Variants in LCN9 observed in about 807,000 individuals in gnomAD.
LCN9 encodes the protein epididymal-specific lipocalin-9.
In LCN9, 22 loss-of-function variants were observed where a neutral mutation model predicts 18.5. The ratio of observed to expected loss-of-function variants is 1.19; its 90% confidence interval spans 0.85 to 1.70. The LOEUF (loss-of-function observed/expected upper bound fraction) is 1.70. Among genes scored for constraint, LCN9 ranks in the 40% most tolerant of loss-of-function variants. The pLI is 0.00. For synonymous variants in LCN9, 89 were observed against 83.0 expected (o/e 1.07, Z -0.39); for missense variants, 202 against 201.3 (o/e 1.00, Z -0.02).
chr9:135,665,692 G>A lies in LCN9; in HGVS notation c.423G>A (p.Leu141=). 2.5e-6 allele frequency: 4 copies of A among 1,612,818 alleles called. No individual in the cohort carries two copies. The highest frequency in any genetic ancestry group is 2.2e-5 in the South Asian group (2 of 90,768). Residue 141 remains leucine, a synonymous_variant, in exon 5 of 6, where the codon TTG becomes TTA. Coordinates refer to ENST00000619315, the Ensembl canonical transcript of LCN9. The surrounding 1 kb of genome is among the most constrained non-coding windows in gnomAD (Gnocchi z 5.9). ...GGAACCCTCCTTCCTGAGCAGATTTGAAGAAACCTGCGAAAAGTACGGACT... is the reference window on the plus strand; with the variant it reads ...GGAACCCTCCTTCCTGAGCAGATTTAAAGAAACCTGCGAAAAGTACGGACT...
chr9:135,666,170 TGACTAG>T, exon 6 of LCN9: 1 of 1,558,900 alleles, frequency 6.4e-7, no homozygotes, highest in East Asian at 2.3e-5. Flanking sequence ...CATATGCGGG[TGACTAG>T]GACAACCAGG....
chr9:135,664,430 G>A lies in LCN9; in HGVS notation c.233+132G>A, dbSNP rs1007929446. 2.5e-5 allele frequency: 31 copies of A among 1,226,892 alleles called. No homozygotes were observed. The highest frequency in any genetic ancestry group is 2.3e-4 in the Middle Eastern group (1 of 4,406). 76.0% of individuals were successfully genotyped at this position (1,226,892 alleles called of 1,614,324 possible). A position where few individuals can be genotyped will look rare whatever the true frequency, so the allele number is the denominator to read the frequency against. On this transcript the variant is annotated intron_variant, in intron 2 of 5. Coordinates refer to ENST00000619315, the Ensembl canonical transcript of LCN9. The surrounding 1 kb of genome is among the most constrained non-coding windows in gnomAD (Gnocchi z 4.5). ...CTCTGGTGAGAGCCTGAGCCTGTGC[G>A]TGTGACCCTTGGGGGCAGGGTGAGG...
rs749777406 is a variant in LCN9, at chr9:135,664,171, G to A, written c.106G>A (p.Val36Ile). ...AGCTCTTTGTCTTCAGGTTTCAGGG[G>A]TCTGGTATTCTATTTTCATGGCCTC... Residue 36 changes from valine to isoleucine, a missense_variant, in exon 2 of 6, where the codon GTC becomes ATC. Physicochemically the swap from Val to Ile is conservative, Grantham distance 29. Coordinates refer to ENST00000619315, the Ensembl canonical transcript of LCN9. This position sits in a 1 kb window ranked among gnomAD's most constrained non-coding sequence, Gnocchi z 4.5. 1.1e-5 allele frequency: 17 copies of A among 1,613,676 alleles called. No homozygotes were observed. Among genetic ancestry groups the A allele is most frequent in the East Asian group, 4.5e-5 (2 of 44,862 alleles).
In LCN9 at chr9:135,665,845, C is replaced by T; in HGVS notation, c.*10-16C>T. The T allele has an allele frequency of 6.2e-7, 1 of 1,612,610 alleles. No individual in the cohort carries two copies. Among genetic ancestry groups the T allele is most frequent in the Non-Finnish European group, 8.5e-7 (1 of 1,179,334 alleles). On this transcript the variant is annotated splice_polypyrimidine_tract_variant and intron_variant, in intron 5 of 5. Coordinates refer to ENST00000619315, the Ensembl canonical transcript of LCN9. This position sits in a 1 kb window ranked among gnomAD's most constrained non-coding sequence, Gnocchi z 5.9. ...GGTCCCTGTCCCTGCGCTGAGAGCC[C>T]CCTCTGTCCTTCCAGATCCCTGCTA... is the stretch of plus-strand genomic sequence containing the variant.
rs1453707713 is a variant in LCN9 at position 135,664,718 on chromosome 9, C to T, written c.234-4C>T. On this transcript the variant is annotated splice_region_variant and splice_polypyrimidine_tract_variant and intron_variant, in intron 2 of 5. Coordinates refer to ENST00000619315, the Ensembl canonical transcript of LCN9. The surrounding 1 kb of genome is among the most constrained non-coding windows in gnomAD (Gnocchi z 4.5). ...CTCCCGGCATCTTCCTGGCTGGCTT[C>T]CAGGGTGCAGGGGGAGTGTGTGGCT... The T allele has an allele frequency of 6.3e-6, 10 of 1,581,592 alleles. No individual in the cohort carries two copies. The highest frequency in any genetic ancestry group is 8.6e-6 in the Non-Finnish European group (10 of 1,166,878).
intron 1 of LCN9, 53 bp downstream of exon 1, chr9:135,663,470 C>G (rs1834153797): frequency 6.5e-7 from 1 of 1,528,364 alleles, no homozygotes; most frequent in Non-Finnish European, 9.1e-7. Context: ...AGGCACCTGT[C>G]TTCCCCCAGC....
rs1259545102 is a variant in LCN9 at position 135,665,385 on chromosome 9, C to T, written c.418+30C>T. ...CTCCGCTGTCCCCCTCTGACCCCCT[C>T]GGGGACCCCACCTCCTCTGAAGTCC... On this transcript the variant is annotated intron_variant, in intron 4 of 5. Coordinates refer to ENST00000619315, the Ensembl canonical transcript of LCN9. This position sits in a 1 kb window ranked among gnomAD's most constrained non-coding sequence, Gnocchi z 5.9. 4.6e-6 allele frequency: 7 copies of T among 1,524,292 alleles called. No individual in the cohort carries two copies. Among genetic ancestry groups the T allele is most frequent in the East Asian group, 4.8e-5 (2 of 41,476 alleles). The allele number at this position is 1,524,292 out of a possible 1,614,324, so 94.4% of individuals were successfully genotyped here.
At position 135,664,285 on chromosome 9, in the gene LCN9, G is replaced by T; in HGVS notation, c.220G>T (p.Asp74Tyr). 1.2e-6 allele frequency: 2 copies of T among 1,613,848 alleles called. No individual in the cohort carries two copies. Among genetic ancestry groups the T allele is most frequent in the South Asian group, 2.2e-5 (2 of 91,064 alleles). Residue 74 changes from aspartate to tyrosine, a missense_variant, in exon 2 of 6, where the codon GAT (aspartate) becomes TAT (tyrosine). Coordinates refer to ENST00000619315, the Ensembl canonical transcript of LCN9. This position sits in a 1 kb window ranked among gnomAD's most constrained non-coding sequence, Gnocchi z 4.5. ...CTTGAAGAACGGCAGCCTAATATTT[G>T]ATTTCGAATACATGTGCGTGTTGCC...
chr9:135,664,260 C>T lies in LCN9; in HGVS notation c.195C>T (p.His65=). ...GGGTCTTCGTCCGGAATATTGAACACTTGAAGAACGGCAGCCTAATATTTG... is the reference window on the plus strand; with the variant it reads ...GGGTCTTCGTCCGGAATATTGAACATTTGAAGAACGGCAGCCTAATATTTG... The change falls in exon 2 of 6, where the codon CAC becomes CAT. Residue 65 remains histidine, a synonymous_variant. Coordinates refer to ENST00000619315, the Ensembl canonical transcript of LCN9. This position sits in a 1 kb window ranked among gnomAD's most constrained non-coding sequence, Gnocchi z 4.5. The T allele has an allele frequency of 6.2e-7, 1 of 1,613,868 alleles. No individual in the cohort carries two copies. Among genetic ancestry groups the T allele is most frequent in the Non-Finnish European group, 8.5e-7 (1 of 1,179,816 alleles).
chr9:135,663,821 G>GGC lies in LCN9; in HGVS notation c.97-341_97-340insGC, dbSNP rs1564285776. Among the ~76,000 whole-genome samples, 18 of 33,578 alleles carry GGC rather than the reference G, an allele frequency of 5.4e-4. 4 individuals are homozygous for GGC. Among genetic ancestry groups the GGC allele is most frequent in the Admixed American group, 1.0e-3 (3 of 2,982 alleles). The allele number at this position is 33,578 out of a possible 152,430, so 22.0% of individuals were successfully genotyped here. A position where few individuals can be genotyped will look rare whatever the true frequency, so the allele number is the denominator to read the frequency against. Reference sequence around the variant, plus strand: ...CAGAGGGGGACCTGGAGGGGCAGAGGAGAGACCTGTGGGGCAGAGGGGGCC... The same window carrying GGC: ...CAGAGGGGGACCTGGAGGGGCAGAGGGCAGAGACCTGTGGGGCAGAGGGGGCC... On this transcript the variant is annotated intron_variant, in intron 1 of 5. Coordinates refer to ENST00000619315, the Ensembl canonical transcript of LCN9.
chr9:135,664,308 G>A lies in LCN9; in HGVS notation c.233+10G>A. 2 of 1,613,620 alleles carry A rather than the reference G, an allele frequency of 1.2e-6. No individual in the cohort carries two copies. Among genetic ancestry groups the A allele is most frequent in the Non-Finnish European group, 1.7e-6 (2 of 1,179,766 alleles). The stretch of plus-strand genomic sequence containing the variant: ...TTGATTTCGAATACATGTGCGTGTT[G>A]CCCATCTCAGCTGGCATCAGGAAGA... On this transcript the variant is annotated intron_variant, in intron 2 of 5. Coordinates refer to ENST00000619315, the Ensembl canonical transcript of LCN9. This position sits in a 1 kb window ranked among gnomAD's most constrained non-coding sequence, Gnocchi z 4.5.
In LCN9 at chr9:135,665,565, C is replaced by A. The variant is rs1437500525; in HGVS notation, c.419-123C>A. 9.1e-6 allele frequency: 9 copies of A among 984,640 alleles called. No homozygotes were observed. The East Asian group carries it at 1.6e-4, about 17-fold the overall frequency. The allele number at this position is 984,640 out of a possible 1,614,324, so 61.0% of individuals were successfully genotyped here. On this transcript the variant is annotated intron_variant, in intron 4 of 5. Transcript: ENST00000619315. The surrounding 1 kb of genome is among the most constrained non-coding windows in gnomAD (Gnocchi z 5.9). ...ACTTGGCACAAAGCCCCTCTCTGGT[C>A]AGGGCGTGACCCCCTGCCCAGCCTC... is the stretch of plus-strand genomic sequence containing the variant.
rs1282184686 is a variant in LCN9 at position 135,665,946 on chromosome 9, G to A, written c.*95G>A. ...TCGGGACGGGCAGGGGGCTGGATGG[G>A]GAGAGCTTGGGGCCAACGTCAGAGG... is the stretch of plus-strand genomic sequence containing the variant. On this transcript the variant is annotated 3_prime_UTR_variant, in exon 6 of 6. Coordinates refer to ENST00000619315, the Ensembl canonical transcript of LCN9. This position sits in a 1 kb window ranked among gnomAD's most constrained non-coding sequence, Gnocchi z 5.9. The A allele has an allele frequency of 5.0e-6, 8 of 1,603,542 alleles. No homozygotes were observed. In the Middle Eastern group the frequency reaches 5.4e-4, roughly 108 times the overall value.
At chr9:135,666,839 C>T (rs1564286890) in exon 6 of LCN9, among the ~76,000 whole-genome samples, 1 of 151,490 alleles carries the variant, frequency 6.6e-6, no homozygotes, top group Non-Finnish European at 1.5e-5. Flanking sequence ...CCCCTCCCCT[C>T]CTGTCCCCTC....
At position 135,665,999 on chromosome 9, in the gene LCN9, C is replaced by T; in HGVS notation, c.*148C>T. 2 of 1,598,868 alleles carry T rather than the reference C, an allele frequency of 1.3e-6. No individual in the cohort carries two copies. Among genetic ancestry groups the T allele is most frequent in the Admixed American group, 1.7e-5 (1 of 59,612 alleles). On this transcript the variant is annotated 3_prime_UTR_variant, in exon 6 of 6. Coordinates refer to ENST00000619315, the Ensembl canonical transcript of LCN9. The surrounding 1 kb of genome is among the most constrained non-coding windows in gnomAD (Gnocchi z 5.9). The stretch of plus-strand genomic sequence containing the variant: ...GCGGGGTCCCACCCCAGGAGGTGCC[C>T]ATCCCTCCCCCTGGTCTGGGAACCG...
rs1021481532 is a variant in LCN9, at chr9:135,664,552, T to G, written c.234-170T>G. Among the ~76,000 whole-genome samples, 5 of 151,858 alleles carry G rather than the reference T, an allele frequency of 3.3e-5. No individual in the cohort carries two copies. The highest frequency in any genetic ancestry group is 1.2e-4 in the African/African-American group (5 of 41,300). ...AAGGCTGGGGTGAGGTTCGAGGAGA[T>G]GAGGGTGTCCGGTGGGCTGCAGCAG... On this transcript the variant is annotated intron_variant, in intron 2 of 5. Transcript: ENST00000619315. The surrounding 1 kb of genome is among the most constrained non-coding windows in gnomAD (Gnocchi z 4.5).
Position 135,665,240 on chromosome 9 carries a change from C to T in LCN9, c.308-5C>T, listed in dbSNP as rs749299913. On this transcript the variant is annotated splice_region_variant and splice_polypyrimidine_tract_variant and intron_variant, in intron 3 of 5. Coordinates refer to ENST00000619315, the Ensembl canonical transcript of LCN9. The surrounding 1 kb of genome is among the most constrained non-coding windows in gnomAD (Gnocchi z 5.9). ...CAGGCCACGCTGAGCCATGTCTCCA[C>T]GCAGATGAGGGCCAGAACACAGTGG... 25 of 1,574,466 alleles carry T rather than the reference C, an allele frequency of 1.6e-5. No homozygotes were observed. The highest frequency in any genetic ancestry group is 5.8e-5 in the South Asian group (5 of 86,124).
chr9:135,665,220 C>T lies in LCN9; in HGVS notation c.308-25C>T, dbSNP rs1379945829. 6.7e-7 allele frequency: 1 copy of T among 1,495,136 alleles called. No homozygotes were observed. The highest frequency in any genetic ancestry group is 1.4e-5 in the African/African-American group (1 of 72,092). 92.6% of individuals were successfully genotyped at this position (1,495,136 alleles called of 1,614,324 possible). On this transcript the variant is annotated intron_variant, in intron 3 of 5. Coordinates refer to ENST00000619315, the Ensembl canonical transcript of LCN9. This position sits in a 1 kb window ranked among gnomAD's most constrained non-coding sequence, Gnocchi z 5.9. ...GACCCTGAGGGTGGCGGGGCCAGGC[C>T]ACGCTGAGCCATGTCTCCACGCAGA...
Position 135,665,996 on chromosome 9 carries a change from G to A in LCN9, c.*145G>A, listed in dbSNP as rs376466757. The stretch of plus-strand genomic sequence containing the variant: ...GCTGCGGGGTCCCACCCCAGGAGGT[G>A]CCCATCCCTCCCCCTGGTCTGGGAA... On this transcript the variant is annotated 3_prime_UTR_variant, in exon 6 of 6. Coordinates refer to ENST00000619315, the Ensembl canonical transcript of LCN9. The surrounding 1 kb of genome is among the most constrained non-coding windows in gnomAD (Gnocchi z 5.9). The A allele has an allele frequency of 1.3e-6, 2 of 1,598,594 alleles. No homozygotes were observed. Among genetic ancestry groups the A allele is most frequent in the South Asian group, 1.1e-5 (1 of 90,524 alleles).
Sources: allele counts gnomAD v4.1 joint callset (sites outside exome capture counted in the v4.1 genomes callset), GRCh38; gene constraint gnomAD v4.1.1; non-coding constraint Gnocchi (gnomAD v3.1); transcripts MANE v1.5; gene names NCBI Gene and HGNC (gene_info 2026-07-23, HGNC 2026-07-21).